Variants in DOCK3 observed in about 807,000 individuals in gnomAD.
DOCK3 encodes the protein dedicator of cytokinesis 3.
DOCK3 carries 60 observed loss-of-function variants against 265.6 expected under a neutral mutation model. The observed-to-expected ratio is 0.23, with a 90% CI of 0.18 to 0.28. The LOEUF (loss-of-function observed/expected upper bound fraction) is 0.28, where lower values mean the gene tolerates loss of function less well. Among genes scored for constraint, DOCK3 ranks in the 10% least tolerant of loss-of-function variants. The probability of loss-of-function intolerance (pLI) is 1.00; values close to 1 mark genes in which losing one functional copy is unlikely to be tolerated. For missense variants in DOCK3, 1,981 were observed against 2,594.3 expected (o/e 0.76, Z 5.14); for synonymous variants, 881 against 938.0 (o/e 0.94, Z 1.11).
chr3:51,249,001 GC>G (rs2079000141), intron 22 of DOCK3, among the ~76,000 whole-genome samples: 2 of 143,990 alleles, frequency 1.4e-5, no homozygotes, highest in South Asian at 4.5e-4. Flanking sequence ...CCCGGCAGCC[GC>G]CCCGTCTGAG....
At chr3:51,115,820 A>G (rs547191400) in intron 9 of DOCK3, among the ~76,000 whole-genome samples, 2 of 152,202 alleles carry the variant, frequency 1.3e-5, no homozygotes, top group African/African-American at 2.4e-5. Context: ...TAATTTTTGT[A>G]TAAGTCGTAA....
intron 19 of DOCK3, among the ~76,000 whole-genome samples, chr3:51,233,564 T>G (rs1475709742): frequency 6.6e-6 from 1 of 152,062 alleles, no homozygotes; most frequent in Non-Finnish European, 1.5e-5. Context: ...AGACAAGGTT[T>G]CACCGTGTTA....
rs1229029786 is a variant in DOCK3 at position 50,874,902 on chromosome 3, GC to G, written c.163-15123del. On this transcript the variant is annotated intron_variant, in intron 3 of 52. Transcript: ENST00000266037. ...GCCATAAAAAAGAATGAGTTCATGG[GC>G]TTTGCAGGCACACGGATGAAGCTGG... Among the ~76,000 whole-genome samples, 4 of 152,196 alleles carry G rather than the reference GC, an allele frequency of 2.6e-5. No homozygotes were observed. In the East Asian group the frequency reaches 7.7e-4, roughly 29 times the overall value.
intron 3 of DOCK3, among the ~76,000 whole-genome samples, chr3:50,866,087 A>G (rs974432760): frequency 6.6e-6 from 1 of 151,880 alleles, no homozygotes; most frequent in African/African-American, 2.4e-5. Context: ...TTGTTTGTTC[A>G]TTTCGTTGAT....
At chr3:50,695,847 A>G (rs1430225100) in intron 1 of DOCK3, among the ~76,000 whole-genome samples, 1 of 152,252 alleles carries the variant, frequency 6.6e-6, no homozygotes, top group East Asian at 1.9e-4. Flanking sequence ...GTAATTGAGC[A>G]AAGAATGATT....
chr3:51,228,635 A>T (rs769436031), intron 17 of DOCK3, 26 bp from the exon 18 acceptor site: 3 of 1,603,416 alleles, frequency 1.9e-6, no homozygotes, highest in African/African-American at 1.3e-5. Context: ...CTCAGGGGAC[A>T]TTTTTTTCTC....
intron 12 of DOCK3, among the ~76,000 whole-genome samples, chr3:51,196,014 C>A (rs1412696426): frequency 6.6e-6 from 1 of 152,012 alleles, no homozygotes; most frequent in Non-Finnish European, 1.5e-5. Flanking sequence ...CAGCTCACTG[C>A]AGCCTCAACT....
intron 32 of DOCK3, among the ~76,000 whole-genome samples, chr3:51,329,400 A>G (rs1038845065): frequency 5.9e-5 from 9 of 152,114 alleles, no homozygotes; most frequent in Admixed American, 5.9e-4. Context: ...CAAACAAACA[A>G]TCAAGCACGG....
intron 5 of DOCK3, among the ~76,000 whole-genome samples, chr3:50,946,632 G>A (rs1346164816): frequency 6.6e-6 from 1 of 152,204 alleles, no homozygotes; most frequent in African/African-American, 2.4e-5. Context: ...CTTGAAGCTA[G>A]GGGAGGTTGT....
chr3:51,140,455 A>G (rs2085000758), intron 9 of DOCK3, among the ~76,000 whole-genome samples: 1 of 152,202 alleles, frequency 6.6e-6, no homozygotes. Flanking sequence ...ATGGCTGAAT[A>G]ATATTTTGTT....
chr3:50,837,879 C>A (rs1313345017), intron 2 of DOCK3, among the ~76,000 whole-genome samples: 1 of 152,016 alleles, frequency 6.6e-6, no homozygotes, highest in African/African-American at 2.4e-5. Context: ...TGCAGAGAGA[C>A]TATTATGGCT....
intron 14 of DOCK3, among the ~76,000 whole-genome samples, chr3:51,215,773 C>T (rs2089751138): frequency 6.6e-6 from 1 of 152,172 alleles, no homozygotes; most frequent in South Asian, 2.1e-4. Flanking sequence ...CTCATACACA[C>T]AGGAGAGTCT....
chr3:50,977,819 AT>A (rs2077519151), intron 5 of DOCK3, among the ~76,000 whole-genome samples: 1 of 151,420 alleles, frequency 6.6e-6, no homozygotes, highest in Admixed American at 6.6e-5. Context: ...ATAGTCCCAT[AT>A]TTCTTGGAGG....
At chr3:51,254,445 C>G (rs2079435813) in intron 22 of DOCK3, among the ~76,000 whole-genome samples, 1 of 152,132 alleles carries the variant, frequency 6.6e-6, no homozygotes, top group Non-Finnish European at 1.5e-5. Flanking sequence ...TCTCGTTGAT[C>G]TGTCTAATGT....
intron 10 of DOCK3, among the ~76,000 whole-genome samples, chr3:51,158,348 C>A (rs1046448853): frequency 3.3e-5 from 5 of 152,106 alleles, no homozygotes; most frequent in Non-Finnish European, 7.4e-5. Flanking sequence ...AAGTTTGAGA[C>A]CAGCTCTGGC....
chr3:50,862,873 A>C (rs2107517964), intron 3 of DOCK3, among the ~76,000 whole-genome samples: 1 of 141,308 alleles, frequency 7.1e-6, no homozygotes, highest in South Asian at 2.1e-4. Flanking sequence ...TGGAGCCACC[A>C]TGAAAAGCAC....
intron 27 of DOCK3, among the ~76,000 whole-genome samples, chr3:51,291,515 C>A (rs950748022): frequency 6.6e-6 from 1 of 151,972 alleles, no homozygotes; most frequent in African/African-American, 2.4e-5. Context: ...ATGATAAATT[C>A]CTAGACACGT....
rs2042025346 is a variant in DOCK3 at position 50,783,386 on chromosome 3, C to G, written c.121+4628C>G. The stretch of plus-strand genomic sequence containing the variant: ...GATCATTCTTGCAAGAGTAAGGTGG[C>G]ATCTCATTGTGGTTTTAATTTGCAT... On this transcript the variant is annotated intron_variant, in intron 2 of 52. Transcript: ENST00000266037. 2.0e-5 allele frequency among the ~76,000 whole-genome samples: 3 copies of G among 151,924 alleles called. 1 individual carries two copies. The South Asian group carries it at 6.2e-4, about 32-fold the overall frequency.
At chr3:51,199,091 C>T (rs943054023) in intron 12 of DOCK3, among the ~76,000 whole-genome samples, 1 of 152,138 alleles carries the variant, frequency 6.6e-6, no homozygotes, top group Non-Finnish European at 1.5e-5. Context: ...CTCCGGTCTA[C>T]AGCTCCCAGC....
Sources: gnomAD v4.1 joint callset for allele counts (sites outside exome capture counted in the v4.1 genomes callset) on GRCh38, gnomAD v4.1.1 for gene constraint, MANE v1.5 for transcripts, NCBI Gene and HGNC (gene_info 2026-07-23, HGNC 2026-07-21) for gene names.